COG8: variants seen among roughly 807,000 people sequenced by gnomAD.
COG8 encodes conserved oligomeric Golgi complex subunit 8.
A neutral mutation model predicts 46.5 loss-of-function variants in COG8; 45 were observed. The ratio of observed to expected loss-of-function variants is 0.97; its 90% CI spans 0.76 to 1.24. The LOEUF (loss-of-function observed/expected upper bound fraction) is 1.24, where lower values mean the gene tolerates loss of function less well. Among genes scored for constraint, COG8 ranks in the 50% most tolerant of loss-of-function variants. The pLI is 0.00. For missense variants in COG8, 793 were observed against 820.8 expected (o/e 0.97, Z 0.41); for synonymous variants, 407 against 347.8 (o/e 1.17, Z -1.90).
rs773992140 is a variant in COG8 at position 69,339,214 on chromosome 16, G to A, written c.339C>T (p.Arg113=). Residue 113 remains arginine (R), a synonymous_variant, in exon 1 of 6, where the codon CGC becomes CGT. Coordinates refer to ENST00000306875, the MANE Select transcript of COG8 (RefSeq NM_032382.5). The stretch of plus-strand genomic sequence containing the variant: ...GGAAGCTGGGCAAACGGTCGAGCAG[G>A]CGGCCGAGCGACGCCTCCACGTCGC... ...LFGDVEASLG[R]LLDRLPSFQQ... 4.3e-6 allele frequency: 7 copies of A among 1,612,742 alleles called. No homozygotes were observed. The highest frequency in any genetic ancestry group is 5.1e-6 in the Non-Finnish European group (6 of 1,179,896).
At chr16:69,333,247 G>A (rs7195302) in intron 3 of COG8, among the ~76,000 whole-genome samples, 1 of 150,242 alleles carries the variant, frequency 6.7e-6, no homozygotes, top group African/African-American at 2.5e-5. Flanking sequence ...GCTCACTGTA[G>A]CTTCAAACTC....
In COG8 at chr16:69,326,855, T is replaced by C. The variant is rs1025308432; in HGVS notation, c.*2351A>G. 9 of 152,168 alleles carry C rather than the reference T, an allele frequency of 5.9e-5. No homozygotes were observed. Among genetic ancestry groups the C allele is most frequent in the Non-Finnish European group, 4.4e-5 (3 of 67,888 alleles). 9.4% of individuals were successfully genotyped at this position (152,168 alleles called of 1,614,324 possible). On this transcript the variant is annotated 3_prime_UTR_variant, in exon 6 of 6. Coordinates refer to ENST00000306875, the MANE Select transcript of COG8 (RefSeq NM_032382.5). ...CTCTGATGAGCTCACAACGTTGACA[T>C]GTATATGCGTTTTTTGTGAGTGCTT...
intron 3 of COG8, among the ~76,000 whole-genome samples, chr16:69,333,175 T>C (rs1034607756): frequency 6.6e-6 from 1 of 151,114 alleles, no homozygotes; most frequent in Admixed American, 6.6e-5. Flanking sequence ...GGTTTTTTTT[T>C]TTTTTTTTTT....
chr16:69,334,661 G>A lies in COG8; in HGVS notation c.1273C>T (p.Pro425Ser). ...VPATQPGTLQ[P>S]PMVLLDFPPL... is the part of the protein sequence containing the mutation. ...GGGAAATCTAGGAGCACCATGGGTG[G>A]CTGCAGCGTCCCCGGCTGGGTGGCT... Residue 425 changes from proline to serine, a missense_variant, in exon 3 of 6, where the codon CCA becomes TCA. Physicochemically the swap from Pro to Ser is moderately conservative, Grantham distance 74. Coordinates refer to ENST00000306875, the MANE Select transcript of COG8 (RefSeq NM_032382.5). 6.2e-7 allele frequency: 1 copy of A among 1,614,230 alleles called. No homozygotes were observed. Among genetic ancestry groups the A allele is most frequent in the Non-Finnish European group, 8.5e-7 (1 of 1,180,048 alleles).
Position 69,329,032 on chromosome 16 carries a change from AC to A in COG8, c.*173del. On this transcript the variant is annotated 3_prime_UTR_variant, in exon 6 of 6. Coordinates refer to ENST00000306875, the MANE Select transcript of COG8 (RefSeq NM_032382.5). ...CCCAGTAGCAAAGCTTTAGTCATTCACCTTCATCCAATAGACGTTTGTGAAC... is the reference window on the plus strand; with the variant it reads ...CCCAGTAGCAAAGCTTTAGTCATTCACTTCATCCAATAGACGTTTGTGAAC... 1 of 1,608,510 alleles carries A rather than the reference AC, an allele frequency of 6.2e-7. No individual in the cohort carries two copies. Among genetic ancestry groups the A allele is most frequent in the African/African-American group, 1.3e-5 (1 of 74,766 alleles).
Position 69,329,071 on chromosome 16 carries a change from AT to A in COG8, c.*134del. ...GACGTTTGTGAACGTCCTGCTGTCC[AT>A]TTTGTCAATAAACAGGCAGCCCTGC... On this transcript the variant is annotated 3_prime_UTR_variant, in exon 6 of 6. Transcript: ENST00000306875. 6.2e-7 allele frequency: 1 copy of A among 1,611,958 alleles called. No individual in the cohort carries two copies.
Position 69,339,527 on chromosome 16 carries a change from G to A in COG8, c.26C>T (p.Ser9Leu), listed in dbSNP as rs372024004. Residue 9 changes from serine to leucine, a missense_variant, in exon 1 of 6, where the codon TCG (serine) becomes TTG (leucine). Physicochemically the swap from Ser to Leu is moderately radical, Grantham distance 145 (BLOSUM62 -2). Coordinates refer to ENST00000306875, the MANE Select transcript of COG8 (RefSeq NM_032382.5). ...AGCCGCTGCTGTGGCCGTGGCTACC[G>A]ATGGGATAGTCGCCGCGGTCGCCAT... MATAATIP[S>L]VATATAAALG... The A allele has an allele frequency of 1.7e-5, 28 of 1,608,292 alleles. No individual in the cohort carries two copies. The highest frequency in any genetic ancestry group is 2.4e-5 in the Non-Finnish European group (28 of 1,179,940).
chr16:69,335,753 T>C (rs542858518), intron 2 of COG8, among the ~76,000 whole-genome samples: 5 of 151,492 alleles, frequency 3.3e-5, no homozygotes, highest in Admixed American at 2.0e-4. Context: ...GAGATAAAGG[T>C]TGCAGTGAGC....
intron 1 of COG8, 84 bp from the exon 2 acceptor site, chr16:69,336,796 T>C (rs183786978): frequency 3.4e-5 from 39 of 1,157,110 alleles, no homozygotes; most frequent in East Asian, 4.8e-5. Context: ...GCTATGAACA[T>C]TGGGCTGGAT....
At chr16:69,336,772 GT>G in intron 1 of COG8, 60 bp from the exon 2 acceptor site, 1 of 1,420,052 alleles carries the variant, frequency 7.0e-7, no homozygotes, top group Non-Finnish European at 9.9e-7. Flanking sequence ...CTTAGCTACA[GT>G]TACCAAGTAC....
intron 4 of COG8, among the ~76,000 whole-genome samples, chr16:69,331,768 T>C (rs995187999): frequency 2.0e-5 from 3 of 152,086 alleles, no homozygotes; most frequent in Non-Finnish European, 4.4e-5. Context: ...CCCAAAGTGC[T>C]GGGATTACAG....
In COG8 at chr16:69,334,472, A is replaced by T. The variant is rs1162698060; in HGVS notation, c.1413+49T>A. 5 of 1,521,484 alleles carry T rather than the reference A, an allele frequency of 3.3e-6. No homozygotes were observed. In the African/African-American group the frequency reaches 6.8e-5, roughly 21 times the overall value. The allele number at this position is 1,521,484 out of a possible 1,614,324, so 94.2% of individuals were successfully genotyped here. ...GTTTATTACAAAAATCTGGCCACCC[A>T]TTACCAGAGAAGGCCCAGGGTAGCA... On this transcript the variant is annotated intron_variant, in intron 3 of 5. Transcript: ENST00000306875.
intron 5 of COG8, 71 bp from the exon 6 acceptor site, chr16:69,329,250 G>T: frequency 1.4e-6 from 2 of 1,435,002 alleles, no homozygotes; most frequent in Non-Finnish European, 1.8e-6. Context: ...CCCTACCCCT[G>T]CCCCCGGTCC....
chr16:69,332,764 T>C lies in COG8; in HGVS notation c.1532A>G (p.Asn511Ser). ...VFLEDLVPYL[N>S]RCLQVLFPPA... is the part of the protein sequence containing the mutation. ...TGGAAAAAGGACTTGGAGACAGCGA[T>C]TTAAATACGGAACAAGGTCTTCCAG... The change falls in exon 4 of 6, where the codon AAT becomes AGT. Residue 511 changes from asparagine to serine, a missense_variant. Asn to Ser is a conservative substitution (Grantham distance 46). Coordinates refer to ENST00000306875, the MANE Select transcript of COG8 (RefSeq NM_032382.5). 1 of 1,614,208 alleles carries C rather than the reference T, an allele frequency of 6.2e-7. No individual in the cohort carries two copies. Among genetic ancestry groups the C allele is most frequent in the Non-Finnish European group, 8.5e-7 (1 of 1,180,034 alleles).
Position 69,334,762 on chromosome 16 carries a change from T to C in COG8, c.1172A>G (p.Gln391Arg). The C allele has an allele frequency of 6.2e-7, 1 of 1,614,166 alleles. No homozygotes were observed. The highest frequency in any genetic ancestry group is 1.1e-5 in the South Asian group (1 of 91,082). ...KAIQETVEKFQEEMNSYMLIS... is the reference protein window; with the variant it reads ...KAIQETVEKFREEMNSYMLIS... The stretch of plus-strand genomic sequence containing the variant: ...GAGCATGTAGGAGTTCATTTCTTCC[T>C]GGAATTTCTCCACTGTTTCCTGAAT... Residue 391 changes from glutamine to arginine, a missense_variant, in exon 3 of 6, where the codon CAG (glutamine) becomes CGG (arginine). Gln to Arg is a conservative substitution (Grantham distance 43). Coordinates refer to ENST00000306875, the MANE Select transcript of COG8 (RefSeq NM_032382.5).
intron 5 of COG8, chr16:69,329,969 C>T: frequency 6.6e-7 from 1 of 1,508,804 alleles, no homozygotes; most frequent in Non-Finnish European, 8.8e-7. Context: ...CGCGCTGCTC[C>T]AGCAGCCCCG....
Position 69,331,022 on chromosome 16 carries a change from G to A in COG8, c.1656C>T (p.Leu552=), listed in dbSNP as rs764532175. 2 of 1,613,276 alleles carry A rather than the reference G, an allele frequency of 1.2e-6. No individual in the cohort carries two copies. Among genetic ancestry groups the A allele is most frequent in the South Asian group, 2.2e-5 (2 of 90,922 alleles). ...HVNIGAIQEP[L]AFILPKRETL... ...TCTCTCTCTTTGGCAGGATAAAGGCGAGGGGCTCCTGAATGGCGCCGATGT... is the reference window on the plus strand; with the variant it reads ...TCTCTCTCTTTGGCAGGATAAAGGCAAGGGGCTCCTGAATGGCGCCGATGT... The change falls in exon 5 of 6, where the codon CTC becomes CTT. Residue 552 remains leucine, a synonymous_variant. Coordinates refer to ENST00000306875, the MANE Select transcript of COG8 (RefSeq NM_032382.5).
intron 5 of COG8, chr16:69,330,355 G>A: frequency 2.0e-6 from 3 of 1,475,630 alleles, no homozygotes; most frequent in Non-Finnish European, 1.8e-6. Context: ...GCAGCACCGG[G>A]TCCCCGACTT....
At chr16:69,334,472 A>C (rs1162698060) in intron 3 of COG8, 49 bp downstream of exon 3, 1 of 1,521,602 alleles carries the variant, frequency 6.6e-7, no homozygotes, top group Admixed American at 1.7e-5. Flanking sequence ...CTGGCCACCC[A>C]TTACCAGAGA....
Sources: allele counts gnomAD v4.1 joint callset (sites outside exome capture counted in the v4.1 genomes callset), GRCh38; gene constraint gnomAD v4.1.1; transcripts MANE v1.5; gene names NCBI Gene and HGNC (gene_info 2026-07-23, HGNC 2026-07-21).